The following PRAMEF11 variants were observed in gnomAD, a reference collection of about 807,000 sequenced individuals.
The protein encoded by PRAMEF11 is PRAME family member 11.
Under a neutral mutation model 33.6 loss-of-function variants are expected in PRAMEF11, and 17 were observed. The ratio of observed to expected loss-of-function variants is 0.51; its 90% CI spans 0.35 to 0.76. The LOEUF is 0.76. Among genes scored for constraint, PRAMEF11 ranks in the 30% least tolerant of loss-of-function variants. The pLI is 0.01. For synonymous variants in PRAMEF11, 205 were observed against 227.3 expected (o/e 0.90, Z 0.88); for missense variants, 568 against 567.0 (o/e 1.00, Z -0.02).
intron 1 of PRAMEF11, among the ~76,000 whole-genome samples, chr1:12,830,839 A>G (rs1444902370): frequency 6.6e-6 from 1 of 150,614 alleles, no homozygotes; most frequent in African/African-American, 2.4e-5. Context: ...AAATACAAAA[A>G]TTAGCGAGGC....
Position 12,828,549 on chromosome 1 carries a change from G to T in PRAMEF11, c.241C>A (p.Gln81Lys). The change falls in exon 2 of 4, where the codon CAA becomes AAA. Residue 81 changes from glutamine to lysine, a missense_variant. Physicochemically the swap from Gln to Lys is moderately conservative, Grantham distance 53. Transcript: ENST00000619922. ...GCATCCAGCCCATCGAGCACAGCTT[G>T]GAAGGCCTCCAGACAAGGCATCTTT... is the stretch of plus-strand genomic sequence containing the variant. ...LIKMPCLEAF[Q>K]AVLDGLDALL... 1 of 1,605,194 alleles carries T rather than the reference G, an allele frequency of 6.2e-7. No homozygotes were observed. The highest frequency in any genetic ancestry group is 8.5e-7 in the Non-Finnish European group (1 of 1,175,652).
intron 3 of PRAMEF11, among the ~76,000 whole-genome samples, chr1:12,826,540 T>C (rs1477172374): frequency 2.0e-5 from 3 of 150,884 alleles, no homozygotes; most frequent in Non-Finnish European, 3.0e-5. Flanking sequence ...GGTGGGTGGA[T>C]CACCTGAAAT....
chr1:12,824,818 T>C lies in PRAMEF11; in HGVS notation c.*124A>G. 6.9e-7 allele frequency: 1 copy of C among 1,442,698 alleles called. No individual in the cohort carries two copies. The highest frequency in any genetic ancestry group is 2.3e-5 in the Admixed American group (1 of 43,792). 89.4% of individuals were successfully genotyped at this position (1,442,698 alleles called of 1,614,324 possible). ...TGCTTGATCAGCTTTCCTTTCCCAC[T>C]TTCAGAGCCCATGTGTGAAACGATG... On this transcript the variant is annotated 3_prime_UTR_variant, in exon 4 of 4. Coordinates refer to ENST00000619922, the MANE Select transcript of PRAMEF11 (RefSeq NM_001146344.3).
chr1:12,824,951 G>A lies in PRAMEF11; in HGVS notation c.1428C>T (p.Tyr476=). 2.5e-6 allele frequency: 4 copies of A among 1,609,302 alleles called. 1 individual carries two copies. The highest frequency in any genetic ancestry group is 3.4e-6 in the Non-Finnish European group (4 of 1,177,680). The change falls in exon 4 of 4, where the codon TAC becomes TAT. Residue 476 remains tyrosine (Y), a synonymous_variant. Coordinates refer to ENST00000619922, the MANE Select transcript of PRAMEF11 (RefSeq NM_001146344.3). ...CCAAATAGGCAGGCATTCAACAGCA[G>A]TATTGATCTGCCTCCAGGTCATAAA... The part of the protein sequence containing the change: ...RSFYDLEADQ[Y]CC
intron 1 of PRAMEF11, among the ~76,000 whole-genome samples, chr1:12,830,964 G>T (rs1220424663): frequency 1.4e-5 from 2 of 147,336 alleles, no homozygotes; most frequent in Non-Finnish European, 3.0e-5. Context: ...CTGCACTCCA[G>T]TCTGGGCAAC....
rs2982100 is a variant in PRAMEF11 at position 12,828,711 on chromosome 1, C to T, written c.79G>A (p.Val27Ile). ...RSLLRDQALA[V>I]STLEELPTEL... ...GTGGGCAGCTCCTCCAGGGTGGAGA[C>T]GGCCAAGGCTTGGTCCCTCAGCAGG... Residue 27 changes from valine to isoleucine, a missense_variant, in exon 2 of 4, where the codon GTC becomes ATC. This residue lies in a region of PRAMEF11 where 342 missense variants were observed against 312.0 expected (regional missense o/e 1.10). Transcript: ENST00000619922. The T allele has an allele frequency of 1.3e-3, 2,054 of 1,601,528 alleles. 112 individuals are homozygous for T. The highest frequency in any genetic ancestry group is 7.8e-3 in the African/African-American group (576 of 74,246).
Position 12,824,763 on chromosome 1 carries a change from C to T in PRAMEF11, c.*179G>A. On this transcript the variant is annotated 3_prime_UTR_variant, in exon 4 of 4. Transcript: ENST00000619922. ...CAGGTTCCCAAAGTCCCATTGAATC[C>T]ATGGCAACATTTCCCCCAAGTCCTG... 1.0e-6 allele frequency: 1 copy of T among 993,492 alleles called. No homozygotes were observed. The highest frequency in any genetic ancestry group is 1.7e-5 in the South Asian group (1 of 58,828). 61.5% of individuals were successfully genotyped at this position (993,492 alleles called of 1,614,324 possible).
chr1:12,829,659 C>G (rs957783555), intron 1 of PRAMEF11, among the ~76,000 whole-genome samples: 8 of 151,372 alleles, frequency 5.3e-5, no homozygotes, highest in Non-Finnish European at 7.4e-5. Flanking sequence ...ATCTACCCCT[C>G]TTGGCCTCCC....
intron 1 of PRAMEF11, among the ~76,000 whole-genome samples, chr1:12,829,129 C>T (rs542466868): frequency 1.3e-5 from 2 of 150,856 alleles, no homozygotes; most frequent in Admixed American, 1.3e-4. Flanking sequence ...ACTTAAGGTT[C>T]TAAAACAATG....
rs1639894839 is a variant in PRAMEF11, at chr1:12,827,436, G to C, written c.688C>G (p.Leu230Val). 2 of 1,608,770 alleles carry C rather than the reference G, an allele frequency of 1.2e-6. No homozygotes were observed. Among genetic ancestry groups the C allele is most frequent in the Non-Finnish European group, 1.7e-6 (2 of 1,178,332 alleles). Residue 230 changes from leucine to valine, a missense_variant, in exon 3 of 4, where the codon CTG becomes GTG. Physicochemically the swap from Leu to Val is conservative, Grantham distance 32. Transcript: ENST00000619922. Reference protein sequence around the residue: ...LPILTQFTPYLGHLRNLQKLV... With the variant: ...LPILTQFTPYVGHLRNLQKLV... ...TTCTGAAGATTCCTCAAGTGGCCCA[G>C]GTATGGGGTAAACTGTGTCAGGATG...
At chr1:12,827,075 A>T (rs1569785073) in intron 3 of PRAMEF11, among the ~76,000 whole-genome samples, 174 bp downstream of exon 3, 1 of 151,140 alleles carries the variant, frequency 6.6e-6, no homozygotes, top group Non-Finnish European at 1.5e-5. Context: ...CTCTATTGGG[A>T]GGGTTGCATG....
Position 12,827,735 on chromosome 1 carries a change from G to C in PRAMEF11, c.389C>G (p.Ala130Gly), listed in dbSNP as rs757297375. The change falls in exon 3 of 4, where the codon GCC becomes GGC. Residue 130 changes from alanine (A) to glycine (G), a missense_variant. Ala to Gly is a moderately conservative substitution (Grantham distance 60). Coordinates refer to ENST00000619922, the MANE Select transcript of PRAMEF11 (RefSeq NM_001146344.3). ...CTGCACTGGTTTTTTGTTCCTCTTG[G>C]CATTGAGGAAGCACCCATGGGCCAT... ...EAMAHGCFLN[A>G]KRNKKPVQDC... The C allele has an allele frequency of 5.6e-6, 9 of 1,609,786 alleles. No individual in the cohort carries two copies. Among genetic ancestry groups the C allele is most frequent in the Non-Finnish European group, 7.6e-6 (9 of 1,178,246 alleles).
chr1:12,828,876 G>C, intron 1 of PRAMEF11, 71 bp from the exon 2 acceptor site: 4 of 1,595,648 alleles, frequency 2.5e-6, no homozygotes, highest in South Asian at 1.1e-5. Context: ...TCTTCTCCCA[G>C]GGCCAAAGTC....
chr1:12,827,606 A>T lies in PRAMEF11; in HGVS notation c.518T>A (p.Val173Asp), dbSNP rs760916403. Residue 173 changes from valine (V) to aspartate (D), a missense_variant, in exon 3 of 4, where the codon GTC becomes GAC. By Grantham distance (152) the Val-to-Asp change is radical (BLOSUM62 -3). This residue lies in a region of PRAMEF11 where 342 missense variants were observed against 312.0 expected (regional missense o/e 1.10). Coordinates refer to ENST00000619922, the MANE Select transcript of PRAMEF11 (RefSeq NM_001146344.3). ...DEYLTCLLLW[V>D]KQRRDLLHLC... ...GTGTAGTAAATCTCTCCTCTGCTTGACCCATAGAAGGAGGCAGGTGAGGTA... is the reference window on the plus strand; with the variant it reads ...GTGTAGTAAATCTCTCCTCTGCTTGTCCCATAGAAGGAGGCAGGTGAGGTA... 1.2e-6 allele frequency: 2 copies of T among 1,609,354 alleles called. No individual in the cohort carries two copies. Among genetic ancestry groups the T allele is most frequent in the Admixed American group, 3.4e-5 (2 of 59,590 alleles).
rs750490985 is a variant in PRAMEF11, at chr1:12,827,771, C to A, written c.353G>T (p.Trp118Leu). ...QDVCENFWMV[W>L]SEAMAHGCFL... is the part of the protein sequence containing the mutation. ...GCACCCATGGGCCATAGCTTCAGAC[C>A]AAACCATCCAGAAGTTCTCACAGAC... The change falls in exon 3 of 4, where the codon TGG becomes TTG. Residue 118 changes from tryptophan to leucine, a missense_variant. Physicochemically the swap from Trp to Leu is moderately conservative, Grantham distance 61 (BLOSUM62 -2). This residue lies in a region of PRAMEF11 where 342 missense variants were observed against 312.0 expected (regional missense o/e 1.10). Transcript: ENST00000619922. 6.2e-7 allele frequency: 1 copy of A among 1,609,100 alleles called. No homozygotes were observed. Among genetic ancestry groups the A allele is most frequent in the South Asian group, 1.1e-5 (1 of 90,528 alleles).
chr1:12,825,845 G>C lies in PRAMEF11; in HGVS notation c.876-342C>G, dbSNP rs1376382268. ...AAAAATTAGCCAGGTGTGGTGGCGG[G>C]AGCCTGCAATTCCAGCTACTTGGGA... On this transcript the variant is annotated intron_variant, in intron 3 of 3. Coordinates refer to ENST00000619922, the MANE Select transcript of PRAMEF11 (RefSeq NM_001146344.3). Among the ~76,000 whole-genome samples, 12 of 150,606 alleles carry C rather than the reference G, an allele frequency of 8.0e-5. 1 individual carries two copies. The highest frequency in any genetic ancestry group is 2.9e-4 in the African/African-American group (12 of 41,190).
chr1:12,827,667 C>A lies in PRAMEF11; in HGVS notation c.457G>T (p.Val153Leu), dbSNP rs544428616. 1.2e-6 allele frequency: 2 copies of A among 1,609,566 alleles called. No homozygotes were observed. The highest frequency in any genetic ancestry group is 1.7e-6 in the Non-Finnish European group (2 of 1,177,670). The change falls in exon 3 of 4, where the codon GTA (valine) becomes TTA (leucine). Residue 153 changes from valine (V) to leucine (L), a missense_variant. Around this residue, in one of 3 missense-constraint regions of PRAMEF11, gnomAD observed 342 missense variants for 312.0 expected, o/e 1.10. Coordinates refer to ENST00000619922, the MANE Select transcript of PRAMEF11 (RefSeq NM_001146344.3). The stretch of plus-strand genomic sequence containing the variant: ...GTCCTGTTCTTGAGCCAAAGTTCTA[C>A]AAACACAGTCAAGGGCTGCCGTCCT... Reference protein sequence around the residue: ...MRGRQPLTVFVELWLKNRTLD... With the variant: ...MRGRQPLTVFLELWLKNRTLD...
In PRAMEF11 at chr1:12,826,944, C is replaced by G. The variant is rs1453824010; in HGVS notation, c.875+305G>C. ...CCTGGCCTATTTTTCATCATCTTAACTTAGACACACATCCTCAGGAAGAAT... is the reference window on the plus strand; with the variant it reads ...CCTGGCCTATTTTTCATCATCTTAAGTTAGACACACATCCTCAGGAAGAAT... On this transcript the variant is annotated intron_variant, in intron 3 of 3. Transcript: ENST00000619922. Among the ~76,000 whole-genome samples the G allele has an allele frequency of 4.6e-5, 7 of 151,302 alleles. No individual in the cohort carries two copies. The East Asian group carries it at 1.4e-3, about 30-fold the overall frequency.
intron 3 of PRAMEF11, among the ~76,000 whole-genome samples, chr1:12,825,909 G>A (rs1261724384): frequency 2.7e-5 from 4 of 150,142 alleles, no homozygotes; most frequent in African/African-American, 4.9e-5. Flanking sequence ...AGGAGGTGTA[G>A]GTTGCAGTGA....
Sources: gnomAD v4.1 joint callset for allele counts (sites outside exome capture counted in the v4.1 genomes callset) on GRCh38, gnomAD v4.1.1 for gene constraint, gnomAD v4.1.1 regional missense constraint, MANE v1.5 for transcripts, NCBI Gene and HGNC (gene_info 2026-07-23, HGNC 2026-07-21) for gene names.